Variants in BMPR1B observed in about 807,000 individuals in gnomAD.
BMPR1B encodes the protein bone morphogenetic protein receptor type 1B.
In BMPR1B, 12 loss-of-function variants were observed where a neutral mutation model predicts 59.1. That is an observed-to-expected ratio of 0.20 (90% CI 0.13 to 0.33). The LOEUF is 0.33. BMPR1B is among the 10% of genes least tolerant of loss of function. The pLI is 1.00. For synonymous variants in BMPR1B, 237 were observed against 207.3 expected (o/e 1.14, Z -1.23); for missense variants, 550 against 610.9 (o/e 0.90, Z 1.05).
At chr4:94,937,979 A>C (rs1729383574) in intron 2 of BMPR1B, among the ~76,000 whole-genome samples, 1 of 152,206 alleles carries the variant, frequency 6.6e-6, no homozygotes, top group Non-Finnish European at 1.5e-5. Context: ...GTTTAGTGTA[A>C]AGGCAGATGT....
chr4:94,958,940 A>C (rs1730256632), intron 2 of BMPR1B, among the ~76,000 whole-genome samples: 1 of 152,142 alleles, frequency 6.6e-6, no homozygotes, highest in East Asian at 1.9e-4. Flanking sequence ...GTTATAAACA[A>C]TGATTAAAAT....
chr4:95,047,933 C>A (rs893362466), intron 3 of BMPR1B, among the ~76,000 whole-genome samples: 9 of 152,158 alleles, frequency 5.9e-5, no homozygotes, highest in Middle Eastern at 6.8e-3. Flanking sequence ...GTTTTTCAAC[C>A]CTTGGGAGCC....
intron 7 of BMPR1B, 29 bp from the exon 8 acceptor site, chr4:95,124,954 T>A: frequency 1.3e-6 from 2 of 1,599,512 alleles, no homozygotes; most frequent in East Asian, 4.5e-5. Flanking sequence ...TTTCATTATC[T>A]AAAATTATCT....
rs1039586205 is a variant in BMPR1B, at chr4:94,927,153, T to G, written c.-113+51253T>G. Among the ~76,000 whole-genome samples, 7 of 152,264 alleles carry G rather than the reference T, an allele frequency of 4.6e-5. No individual in the cohort carries two copies. In the East Asian group the frequency reaches 1.4e-3, roughly 29 times the overall value. On this transcript the variant is annotated intron_variant, in intron 2 of 12. Coordinates refer to ENST00000515059, the MANE Select transcript of BMPR1B (RefSeq NM_001203.3). ...AAAAGCTCTAGTGGACAGACTGGTT[T>G]GTTCATTCCTTGCGAGTCACTGATG... is the stretch of plus-strand genomic sequence containing the variant.
chr4:95,009,647 T>C (rs980358457), intron 3 of BMPR1B, among the ~76,000 whole-genome samples: 1 of 152,202 alleles, frequency 6.6e-6, no homozygotes, highest in Non-Finnish European at 1.5e-5. Context: ...AAGGAGTATG[T>C]GGCAGGTTCG....
chr4:95,100,836 G>A (rs73839206), intron 3 of BMPR1B, among the ~76,000 whole-genome samples: 6,701 of 152,026 alleles, frequency 0.044, 497 homozygotes, highest in African/African-American at 0.15. Context: ...TCTTTTTATA[G>A]CAACGTGTTC....
chr4:94,938,610 A>G (rs1729402638), intron 2 of BMPR1B, among the ~76,000 whole-genome samples: 1 of 152,206 alleles, frequency 6.6e-6, no homozygotes, highest in South Asian at 2.1e-4. Context: ...GCTTTTCAGA[A>G]GTAGAGAATT....
At chr4:95,033,292 A>T (rs1335517293) in intron 3 of BMPR1B, among the ~76,000 whole-genome samples, 1 of 147,326 alleles carries the variant, frequency 6.8e-6, no homozygotes, top group African/African-American at 2.4e-5. Context: ...ATTTTAAAGT[A>T]GTCCAGTTTA....
At chr4:94,800,253 G>T (rs2110620799) in intron 1 of BMPR1B, among the ~76,000 whole-genome samples, 1 of 152,252 alleles carries the variant, frequency 6.6e-6, no homozygotes, top group Non-Finnish European at 1.5e-5. Context: ...GATCATTTGT[G>T]CAGGAAGAGC....
intron 6 of BMPR1B, among the ~76,000 whole-genome samples, chr4:95,121,031 C>T (rs1162951662): frequency 6.6e-6 from 1 of 152,190 alleles, no homozygotes; most frequent in Non-Finnish European, 1.5e-5. Context: ...TGGTCTTGAA[C>T]TCCTGAACTC....
chr4:95,114,419 A>G (rs1731858081), intron 4 of BMPR1B, among the ~76,000 whole-genome samples: 3 of 152,160 alleles, frequency 2.0e-5, no homozygotes, highest in Non-Finnish European at 4.4e-5. Flanking sequence ...GTGTTCAGTA[A>G]TTGGTATCTA....
At chr4:94,824,569 A>T (rs1470615657) in intron 1 of BMPR1B, among the ~76,000 whole-genome samples, 1 of 152,226 alleles carries the variant, frequency 6.6e-6, no homozygotes, top group Admixed American at 6.5e-5. Context: ...GCTCATTTGA[A>T]TAAAGAAATT....
intron 3 of BMPR1B, among the ~76,000 whole-genome samples, chr4:95,060,540 T>G (rs2149203558): frequency 6.6e-6 from 1 of 152,358 alleles, no homozygotes; most frequent in South Asian, 2.1e-4. Context: ...GAAAGATTTC[T>G]GCAAGAGTGA....
In BMPR1B at chr4:94,851,200, C is replaced by T. The variant is rs899873615; in HGVS notation, c.-182-24631C>T. Among the ~76,000 whole-genome samples the T allele has an allele frequency of 4.6e-5, 7 of 152,134 alleles. No homozygotes were observed. The East Asian group carries it at 5.8e-4, about 13-fold the overall frequency. ...TCATCAGTCAGACCAAGATAGTTAC[C>T]GTCCTCGTAGAGGGGTATGCTGGAT... On this transcript the variant is annotated intron_variant, in intron 1 of 12. Transcript: ENST00000515059.
At chr4:95,034,109 G>A (rs553033507) in intron 3 of BMPR1B, among the ~76,000 whole-genome samples, 6 of 152,074 alleles carry the variant, frequency 3.9e-5, no homozygotes, top group Admixed American at 6.6e-5. Flanking sequence ...TGGAAAGATA[G>A]GAGAATCAGT....
intron 1 of BMPR1B, among the ~76,000 whole-genome samples, chr4:94,832,508 A>G (rs956309425): frequency 6.6e-6 from 1 of 152,154 alleles, no homozygotes; most frequent in African/African-American, 2.4e-5. Context: ...GCAGCCGAGC[A>G]TGGTCGCTCA....
chr4:94,761,415 C>CTGTG (rs57447983), intron 1 of BMPR1B, among the ~76,000 whole-genome samples: 15,080 of 141,004 alleles, frequency 0.11, 982 homozygotes, highest in East Asian at 0.16. Flanking sequence ...CTGTATAATT[C>CTGTG]TGTGTGTGTG....
chr4:94,970,385 G>A (rs1055152501), intron 2 of BMPR1B, among the ~76,000 whole-genome samples: 9 of 151,312 alleles, frequency 5.9e-5, no homozygotes, highest in African/African-American at 1.9e-4. Flanking sequence ...GCACGATCTC[G>A]GCTCACTGCA....
intron 1 of BMPR1B, among the ~76,000 whole-genome samples, chr4:94,837,803 G>C (rs1724883787): frequency 6.9e-6 from 1 of 143,944 alleles, no homozygotes; most frequent in Admixed American, 6.9e-5. Context: ...ATGTTGAATA[G>C]GAGTGGTGAG....
Sources: gnomAD v4.1 joint callset for allele counts (sites outside exome capture counted in the v4.1 genomes callset) on GRCh38, gnomAD v4.1.1 for gene constraint, MANE v1.5 for transcripts, NCBI Gene and HGNC (gene_info 2026-07-23, HGNC 2026-07-21) for gene names.